TPD52: variants seen among roughly 807,000 people sequenced by gnomAD.
TPD52 encodes the protein tumor protein D52.
Under a neutral mutation model 31.3 loss-of-function variants are expected in TPD52, and 17 were observed. That is an observed-to-expected ratio of 0.54 (90% CI 0.37 to 0.82). The LOEUF (loss-of-function observed/expected upper bound fraction) is 0.82, where lower values mean the gene tolerates loss of function less well. Ranked by LOEUF, TPD52 falls within the 40% of genes least tolerant of loss-of-function variation. The pLI is 0.00. For missense variants in TPD52, 212 were observed against 240.1 expected, an observed-to-expected ratio of 0.88 and a Z score of 0.77; for synonymous variants, 83 against 89.6, an observed-to-expected ratio of 0.93 and a Z score of 0.42.
chr8:80,105,401 T>G (rs987099572), intron 1 of TPD52, among the ~76,000 whole-genome samples: 1 of 152,180 alleles, frequency 6.6e-6, no homozygotes, highest in African/African-American at 2.4e-5. Context: ...TGAAAATCCC[T>G]GTCCTGTTCT....
intron 1 of TPD52, among the ~76,000 whole-genome samples, chr8:80,105,216 A>G (rs1394735957): frequency 2.0e-5 from 3 of 152,048 alleles, no homozygotes; most frequent in Admixed American, 6.5e-5. Context: ...CACCCCTCAT[A>G]TTGTCTTATG....
rs535698397 is a variant in TPD52 at position 80,062,744 on chromosome 8, C to T, written c.135+1734G>A. 3.0e-3 allele frequency among the ~76,000 whole-genome samples: 461 copies of T among 152,198 alleles called. 4 individuals carry two copies. The highest frequency in any genetic ancestry group is 3.9e-3 in the Non-Finnish European group (262 of 68,016). On this transcript the variant is annotated intron_variant, in intron 2 of 7. Coordinates refer to ENST00000518937, the MANE Select transcript of TPD52 (RefSeq NM_001025253.3). ...TTGGGAGGCTGAGGTGGGAGGATCA[C>T]GTGAGGCCAGGAGTTTGAAACCAGC... is the stretch of plus-strand genomic sequence containing the variant.
At chr8:80,142,301 G>C (rs569956274) in intron 1 of TPD52, among the ~76,000 whole-genome samples, 1 of 152,154 alleles carries the variant, frequency 6.6e-6, no homozygotes, top group Non-Finnish European at 1.5e-5. Flanking sequence ...CATCTACCCC[G>C]TACCTGTGTA....
At position 80,106,529 on chromosome 8, in the gene TPD52, T is replaced by C. The variant is rs187847827; in HGVS notation, c.20-41936A>G. Among the ~76,000 whole-genome samples, 369 of 151,950 alleles carry C rather than the reference T, an allele frequency of 2.4e-3. 2 individuals are homozygous for C. The highest frequency in any genetic ancestry group is 8.6e-3 in the African/African-American group (357 of 41,404). ...ACGCCACCACACCCGGCTAATTTTTTGTAGTTTTAGTAGAGAGGGGGTTTC... is the reference window on the plus strand; with the variant it reads ...ACGCCACCACACCCGGCTAATTTTTCGTAGTTTTAGTAGAGAGGGGGTTTC... On this transcript the variant is annotated intron_variant, in intron 1 of 7. Transcript: ENST00000518937.
chr8:80,066,312 T>C (rs371378212), intron 1 of TPD52, among the ~76,000 whole-genome samples: 5 of 152,226 alleles, frequency 3.3e-5, no homozygotes, highest in East Asian at 1.9e-4. Context: ...ATAATAATCA[T>C]CAGCATGGCA....
intron 1 of TPD52, among the ~76,000 whole-genome samples, chr8:80,120,540 G>T (rs1808192612): frequency 6.6e-6 from 1 of 152,162 alleles, no homozygotes; most frequent in Non-Finnish European, 1.5e-5. Context: ...GGTTGATCCT[G>T]TAAAAGCTAT....
In TPD52 at chr8:80,162,484, G is replaced by C. The variant is rs556670705; in HGVS notation, c.19+8941C>G. Among the ~76,000 whole-genome samples, 12 of 152,088 alleles carry C rather than the reference G, an allele frequency of 7.9e-5. No individual in the cohort carries two copies. In the South Asian group the frequency reaches 2.5e-3, roughly 32 times the overall value. On this transcript the variant is annotated intron_variant, in intron 1 of 7. Transcript: ENST00000518937. ...GAAACAGACAAATTGAAGCCTATAA[G>C]CTCTGTAATTTTTTTTTTAAGGAAA...
At chr8:80,074,648 C>A (rs1422099312) in intron 1 of TPD52, among the ~76,000 whole-genome samples, 1 of 152,222 alleles carries the variant, frequency 6.6e-6, no homozygotes, top group Non-Finnish European at 1.5e-5. Context: ...AGAGTATCTA[C>A]AAACATGGTC....
chr8:80,127,094 G>C (rs984832048), intron 1 of TPD52, among the ~76,000 whole-genome samples: 3 of 149,726 alleles, frequency 2.0e-5, no homozygotes, highest in African/African-American at 5.0e-5. Context: ...CTGGGCAATG[G>C]AGCAAGATGA....
chr8:80,071,509 C>T (rs949309278), intron 1 of TPD52, among the ~76,000 whole-genome samples: 1 of 152,128 alleles, frequency 6.6e-6, no homozygotes, highest in Non-Finnish European at 1.5e-5. Context: ...CCCCTTCCAC[C>T]TCCCTTCCAC....
intron 1 of TPD52, among the ~76,000 whole-genome samples, chr8:80,141,926 T>TA (rs1486589176): frequency 8.8e-5 from 11 of 125,218 alleles, no homozygotes; most frequent in Non-Finnish European, 1.8e-5. Flanking sequence ...ACAATAAAAA[T>TA]AAAAATAAAA....
rs142777713 is a variant in TPD52 at position 80,052,647 on chromosome 8, C to T, written c.284+635G>A. The stretch of plus-strand genomic sequence containing the variant: ...TCTCAATACAGAAGACAGAGCAGTT[C>T]GGTTTCTGCTGCTAGAAGCTTGCTC... On this transcript the variant is annotated intron_variant, in intron 3 of 7. Transcript: ENST00000518937. The T allele has an allele frequency of 2.4e-3, 3,143 of 1,289,016 alleles. 10 individuals carry two copies. The highest frequency in any genetic ancestry group is 3.0e-3 in the Non-Finnish European group (2,989 of 988,694). 79.8% of individuals were successfully genotyped at this position (1,289,016 alleles called of 1,614,324 possible).
At chr8:80,139,848 G>A (rs548943779) in intron 1 of TPD52, among the ~76,000 whole-genome samples, 2 of 152,246 alleles carry the variant, frequency 1.3e-5, no homozygotes, top group South Asian at 2.1e-4. Context: ...CAAATGGGGA[G>A]CCTGATGTTC....
In TPD52 at chr8:80,044,157, T is replaced by C. The variant is rs767549695; in HGVS notation, c.455+10A>G. Reference sequence around the variant, plus strand: ...TAAGACCAACTACATTTCATAAAAATATACTTTACCTCATAGCAGGCATGC... The same window carrying C: ...TAAGACCAACTACATTTCATAAAAACATACTTTACCTCATAGCAGGCATGC... On this transcript the variant is annotated intron_variant, in intron 6 of 7. Transcript: ENST00000518937. 2 of 1,584,144 alleles carry C rather than the reference T, an allele frequency of 1.3e-6. No individual in the cohort carries two copies. The highest frequency in any genetic ancestry group is 1.9e-5 in the Admixed American group (1 of 53,438).
At chr8:80,077,370 T>A (rs1240827089) in intron 1 of TPD52, among the ~76,000 whole-genome samples, 1 of 151,932 alleles carries the variant, frequency 6.6e-6, no homozygotes, top group Admixed American at 6.6e-5. Flanking sequence ...ATGGAAGAGA[T>A]AATGCAACAA....
At chr8:80,089,261 G>A (rs1451140570) in intron 1 of TPD52, among the ~76,000 whole-genome samples, 1 of 152,192 alleles carries the variant, frequency 6.6e-6, no homozygotes, top group Non-Finnish European at 1.5e-5. Flanking sequence ...AGATCAACTG[G>A]AGGACTTGGG....
chr8:80,059,896 C>T (rs1022757078), intron 2 of TPD52, among the ~76,000 whole-genome samples: 1 of 151,810 alleles, frequency 6.6e-6, no homozygotes, highest in Non-Finnish European at 1.5e-5. Flanking sequence ...GCCTGGCCAA[C>T]ATGGTGAAAC....
At chr8:80,102,706 T>C (rs967358384) in intron 1 of TPD52, among the ~76,000 whole-genome samples, 13 of 152,114 alleles carry the variant, frequency 8.5e-5, no homozygotes, top group African/African-American at 3.1e-4. Context: ...TGCGTATTAA[T>C]GAGATAATTA....
At chr8:80,078,065 G>A (rs1814801191) in intron 1 of TPD52, among the ~76,000 whole-genome samples, 1 of 152,164 alleles carries the variant, frequency 6.6e-6, no homozygotes, top group South Asian at 2.1e-4. Context: ...CAGGTAAGGA[G>A]GTATAAGGCA....
Sources: allele counts gnomAD v4.1 joint callset (sites outside exome capture counted in the v4.1 genomes callset), GRCh38; gene constraint gnomAD v4.1.1; transcripts MANE v1.5; gene names NCBI Gene and HGNC (gene_info 2026-07-23, HGNC 2026-07-21).